Variants in RS1 observed in about 807,000 individuals in gnomAD.
RS1 encodes retinoschisin.
A neutral mutation model predicts 20.8 loss-of-function variants in RS1; 2 were observed. The observed-to-expected ratio is 0.10, with a 90% CI of 0.04 to 0.30. The LOEUF (loss-of-function observed/expected upper bound fraction) is 0.30. Among genes scored for constraint, RS1 ranks in the 10% least tolerant of loss-of-function variants. The pLI is 1.00. For missense variants in RS1, 151 were observed against 189.8 expected, an observed-to-expected ratio of 0.80 and a Z score of 1.20; for synonymous variants, 70 against 75.8, an observed-to-expected ratio of 0.92 and a Z score of 0.40.
intron 4 of RS1, among the ~76,000 whole-genome samples, chrX:18,646,971 C>T (rs1214401369): frequency 3.6e-5 from 4 of 110,605 alleles, no homozygotes; most frequent in African/African-American, 1.3e-4. Context: ...GGCTGTAGTG[C>T]AGTGGTGTGA....
chrX:18,643,658 C>T (rs547119198), intron 5 of RS1, among the ~76,000 whole-genome samples: 2 of 111,779 alleles, frequency 1.8e-5, no homozygotes, highest in Non-Finnish European at 3.8e-5. Flanking sequence ...ACGTCTTGGC[C>T]GTACAAATTG....
intron 3 of RS1, among the ~76,000 whole-genome samples, chrX:18,655,050 G>A (rs1409847822): frequency 8.9e-6 from 1 of 111,974 alleles, no homozygotes; most frequent in African/African-American, 3.2e-5. Flanking sequence ...AGCATGGAAA[G>A]GATTTAAGCA....
In RS1 at chrX:18,642,101, G is replaced by C; in HGVS notation, c.578C>G (p.Pro193Arg). The C allele has an allele frequency of 8.3e-7, 1 of 1,211,700 alleles. No individual in the cohort carries two copies. Among genetic ancestry groups the C allele is most frequent in the Non-Finnish European group, 1.1e-6 (1 of 895,329 alleles). Reference sequence around the variant, plus strand: ...GAGGCGGATGAAGCGGGAGATGATGGGGGGCCGCAGCAGGTTCTGAACCGT... The same window carrying C: ...GAGGCGGATGAAGCGGGAGATGATGCGGGGCCGCAGCAGGTTCTGAACCGT... ...TSTVQNLLRP[P>R]IISRFIRLIP... The change falls in exon 6 of 6, where the codon CCC becomes CGC. Residue 193 changes from proline (P) to arginine (R), a missense_variant. Coordinates refer to ENST00000379984, the MANE Select transcript of RS1 (RefSeq NM_000330.4).
intron 1 of RS1, among the ~76,000 whole-genome samples, chrX:18,658,979 A>C (rs1378340293): frequency 8.9e-6 from 1 of 111,756 alleles, no homozygotes; most frequent in Non-Finnish European, 1.9e-5. Context: ...TAAGTACCAT[A>C]TACATAATGT....
In RS1 at chrX:18,641,568, A is replaced by C. The variant is rs1174392800; in HGVS notation, c.*436T>G. 2 of 148,530 alleles carry C rather than the reference A, an allele frequency of 1.3e-5. No individual in the cohort carries two copies. The highest frequency in any genetic ancestry group is 1.3e-5 in the Non-Finnish European group (1 of 75,503). The allele number at this position is 148,530 out of a possible 1,213,427, so 12.2% of individuals were successfully genotyped here. The stretch of plus-strand genomic sequence containing the variant: ...ATGATTTAGTGGAAACTTAACTAGG[A>C]GGAGCTGCTCCCTTCTGCATTCAAA... On this transcript the variant is annotated 3_prime_UTR_variant, in exon 6 of 6. Coordinates refer to ENST00000379984, the MANE Select transcript of RS1 (RefSeq NM_000330.4).
chrX:18,664,698 G>T (rs779971581), intron 1 of RS1, among the ~76,000 whole-genome samples: 38 of 110,585 alleles, frequency 3.4e-4, no homozygotes, highest in African/African-American at 1.2e-3. Context: ...TATTATTATT[G>T]TTGTTATTAT....
chrX:18,664,711 G>T lies in RS1; in HGVS notation c.53-7046C>A, dbSNP rs192443500. Among the ~76,000 whole-genome samples the T allele has an allele frequency of 3.3e-3, 359 of 110,392 alleles. 5 individuals carry two copies. The highest frequency in any genetic ancestry group is 0.011 in the African/African-American group (335 of 30,401). ...TTTATTATTATTGTTGTTATTATTA[G>T]TAGTATTATTATTATTATTTTGAGA... is the stretch of plus-strand genomic sequence containing the variant. On this transcript the variant is annotated intron_variant, in intron 1 of 5. Coordinates refer to ENST00000379984, the MANE Select transcript of RS1 (RefSeq NM_000330.4).
At chrX:18,671,290 A>T (rs1186329633) in intron 1 of RS1, among the ~76,000 whole-genome samples, 1 of 112,485 alleles carries the variant, frequency 8.9e-6, no homozygotes, top group East Asian at 2.8e-4. Flanking sequence ...ACCTGAGGAG[A>T]AATTCTGAGC....
At chrX:18,664,150 C>T (rs1319378401) in intron 1 of RS1, among the ~76,000 whole-genome samples, 1 of 112,218 alleles carries the variant, frequency 8.9e-6, no homozygotes, top group African/African-American at 3.2e-5. Flanking sequence ...TACCCCCAAA[C>T]TGGAAATGCT....
In RS1 at chrX:18,641,421, G is replaced by A. The variant is rs1257590767; in HGVS notation, c.*583C>T. On this transcript the variant is annotated 3_prime_UTR_variant, in exon 6 of 6. Coordinates refer to ENST00000379984, the MANE Select transcript of RS1 (RefSeq NM_000330.4). ...GAAACTCCCCTACCTTGGGCTTTTG[G>A]TCATTTGTCACGTATAGCCTCTCAG... The A allele has an allele frequency of 8.7e-6, 1 of 114,850 alleles. No homozygotes were observed. Among genetic ancestry groups the A allele is most frequent in the East Asian group, 2.7e-4 (1 of 3,698 alleles). The allele number at this position is 114,850 out of a possible 1,213,427, so 9.5% of individuals were successfully genotyped here.
chrX:18,667,956 A>G (rs1237551055), intron 1 of RS1, among the ~76,000 whole-genome samples: 1 of 111,716 alleles, frequency 9.0e-6, no homozygotes, highest in Non-Finnish European at 1.9e-5. Flanking sequence ...GCAGTCCCAC[A>G]CAATGATTTA....
intron 3 of RS1, chrX:18,650,372 C>G: frequency 8.3e-7 from 1 of 1,199,540 alleles, no homozygotes; most frequent in Non-Finnish European, 1.1e-6. Flanking sequence ...CCTCCCGGGC[C>G]CCAAGCTTCA....
At position 18,651,258 on chromosome X, in the gene RS1, TGTGTGTGAGA is replaced by T. The variant is rs1270800158; in HGVS notation, c.185-3936_185-3927del. On this transcript the variant is annotated intron_variant, in intron 3 of 5. Transcript: ENST00000379984. ...GTGTGTGTGTGTGTGTGTGTGTGTG[TGTGTGTGAGA>T]GAGAGAGAGAGAGAGAGAGACAGAG... is the stretch of plus-strand genomic sequence containing the variant. Among the ~76,000 whole-genome samples the T allele has an allele frequency of 2.0e-4, 19 of 97,203 alleles. No homozygotes were observed. The Admixed American group carries it at 2.0e-3, about 10-fold the overall frequency. The allele number at this position is 97,203 out of a possible 115,157, so 84.4% of individuals were successfully genotyped here.
intron 5 of RS1, among the ~76,000 whole-genome samples, chrX:18,643,165 G>A (rs1160384941): frequency 8.9e-6 from 1 of 111,766 alleles, no homozygotes; most frequent in African/African-American, 3.3e-5. Flanking sequence ...AAAACATGCT[G>A]TGGGTGTTTG....
Position 18,647,271 on chromosome X carries a change from G to A in RS1, c.246C>T (p.Thr82=), listed in dbSNP as rs764662119. 8.3e-7 allele frequency: 1 copy of A among 1,210,637 alleles called. No individual in the cohort carries two copies. Among genetic ancestry groups the A allele is most frequent in the South Asian group, 1.8e-5 (1 of 56,963 alleles). Residue 82 remains threonine, a synonymous_variant, in exon 4 of 6, where the codon ACC becomes ACT. Transcript: ENST00000379984. Reference sequence around the variant, plus strand: ...CCACATACTGCTCCGGGTTAGAGCAGGTGATCTGGTCCGGTGTGACCTCCC... The same window carrying A: ...CCACATACTGCTCCGGGTTAGAGCAAGTGATCTGGTCCGGTGTGACCTCCC... The part of the protein sequence containing the change: ...ESGEVTPDQI[T]CSNPEQYVGW...
In RS1 at chrX:18,646,096, GTC is replaced by G. The variant is rs1555957573; in HGVS notation, c.326+1093_326+1094del. 5 of 1,211,821 alleles carry G rather than the reference GTC, an allele frequency of 4.1e-6. No individual in the cohort carries two copies. Among genetic ancestry groups the G allele is most frequent in the East Asian group, 3.0e-5 (1 of 33,832 alleles). On this transcript the variant is annotated intron_variant, in intron 4 of 5. Coordinates refer to ENST00000379984, the MANE Select transcript of RS1 (RefSeq NM_000330.4). Reference sequence around the variant, plus strand: ...AAGGACGACAGAACAACAAGGTAGAGTCTGGGCCCCGCATGCCATCAAGCTGC... The same window carrying G: ...AAGGACGACAGAACAACAAGGTAGAGTGGGCCCCGCATGCCATCAAGCTGC...
chrX:18,652,228 G>A (rs1037162212), intron 3 of RS1, among the ~76,000 whole-genome samples: 3 of 111,643 alleles, frequency 2.7e-5, no homozygotes, highest in African/African-American at 6.5e-5. Context: ...TGGCCACTGG[G>A]GACAAGCATA....
chrX:18,652,878 G>A (rs911345376), intron 3 of RS1, among the ~76,000 whole-genome samples: 5 of 112,419 alleles, frequency 4.4e-5, no homozygotes, highest in Admixed American at 2.8e-4. Context: ...TTTGCAATAT[G>A]TTACCAGCCC....
intron 5 of RS1, 99 bp downstream of exon 5, chrX:18,644,331 G>A (rs1164190514): frequency 3.3e-5 from 24 of 728,995 alleles, no homozygotes; most frequent in South Asian, 1.5e-4. Context: ...GTGCTGTGGA[G>A]TCGGTGCTCT....
Sources: allele counts gnomAD v4.1 joint callset (sites outside exome capture counted in the v4.1 genomes callset), GRCh38; gene constraint gnomAD v4.1.1; transcripts MANE v1.5; gene names NCBI Gene and HGNC (gene_info 2026-07-23, HGNC 2026-07-21).